The following GRM8 variants were observed in gnomAD, a reference collection of about 807,000 sequenced individuals.
GRM8 encodes metabotropic glutamate receptor 8.
Under a neutral mutation model 87.2 loss-of-function variants are expected in GRM8, and 47 were observed. The observed-to-expected ratio is 0.54, with a 90% confidence interval of 0.43 to 0.69. The LOEUF (loss-of-function observed/expected upper bound fraction) is 0.69, where lower values mean the gene tolerates loss of function less well. GRM8 is among the 30% of genes least tolerant of loss of function. GRM8 has a pLI of 0.00. For synonymous variants in GRM8, 396 were observed against 404.5 expected (o/e 0.98, Z 0.25); for missense variants, 1,019 against 1,139.2 (o/e 0.89, Z 1.52).
intron 3 of GRM8, among the ~76,000 whole-genome samples, chr7:127,051,385 A>G (rs1819454096): frequency 6.6e-6 from 1 of 152,020 alleles, no homozygotes; most frequent in Non-Finnish European, 1.5e-5. Flanking sequence ...CTAAAATAAA[A>G]GTTTAAACAA....
intron 6 of GRM8, among the ~76,000 whole-genome samples, chr7:126,865,744 G>A (rs1457283980): frequency 6.6e-6 from 1 of 152,130 alleles, no homozygotes; most frequent in Admixed American, 6.5e-5. Context: ...TTTATCAATG[G>A]TGTAACATCT....
At chr7:126,529,880 C>T (rs1814525986) in intron 9 of GRM8, among the ~76,000 whole-genome samples, 1 of 152,116 alleles carries the variant, frequency 6.6e-6, no homozygotes, top group South Asian at 2.1e-4. Context: ...CAGTGGTCTA[C>T]CCTTCCTTCA....
intron 2 of GRM8, among the ~76,000 whole-genome samples, chr7:127,151,641 T>A (rs1406291106): frequency 6.6e-6 from 1 of 152,098 alleles, no homozygotes; most frequent in Non-Finnish European, 1.5e-5. Flanking sequence ...CCCCTGAGTT[T>A]ACGGCTTTCT....
chr7:126,775,568 C>T (rs1819378309), intron 6 of GRM8, among the ~76,000 whole-genome samples: 2 of 129,198 alleles, frequency 1.5e-5, no homozygotes, highest in South Asian at 5.2e-4. Context: ...GGTAGAAATA[C>T]AAGCATGTTC....
intron 6 of GRM8, among the ~76,000 whole-genome samples, chr7:126,863,243 C>T (rs961346061): frequency 1.3e-5 from 2 of 151,956 alleles, no homozygotes; most frequent in Non-Finnish European, 2.9e-5. Flanking sequence ...TTTAAATTTC[C>T]AGCTATATGG....
intron 6 of GRM8, among the ~76,000 whole-genome samples, chr7:126,852,430 G>A (rs1314696295): frequency 6.6e-6 from 1 of 152,150 alleles, no homozygotes; most frequent in East Asian, 1.9e-4. Context: ...TCAGTTAGTA[G>A]CTGGAAGGGC....
At chr7:126,458,644 T>C (rs1381196028) in intron 9 of GRM8, among the ~76,000 whole-genome samples, 1 of 151,238 alleles carries the variant, frequency 6.6e-6, no homozygotes, top group African/African-American at 2.4e-5. Flanking sequence ...ACTGCATTAT[T>C]TTAAAACATA....
intron 8 of GRM8, among the ~76,000 whole-genome samples, chr7:126,592,723 C>A (rs907504515): frequency 6.6e-6 from 1 of 151,870 alleles, no homozygotes; most frequent in Non-Finnish European, 1.5e-5. Context: ...AAGTTGGACG[C>A]TTTTTCTCTA....
intron 9 of GRM8, among the ~76,000 whole-genome samples, chr7:126,488,266 A>G (rs1807602081): frequency 6.6e-6 from 1 of 152,074 alleles, no homozygotes; most frequent in African/African-American, 2.4e-5. Flanking sequence ...ATATTAACAC[A>G]CTAGCAATTC....
intron 3 of GRM8, among the ~76,000 whole-genome samples, chr7:127,059,034 AC>A (rs1820312255): frequency 6.6e-6 from 1 of 152,112 alleles, no homozygotes; most frequent in Non-Finnish European, 1.5e-5. Flanking sequence ...AATAAGGGAG[AC>A]AAGTGAGCAA....
At chr7:126,523,066 T>C (rs928312237) in intron 9 of GRM8, among the ~76,000 whole-genome samples, 2 of 152,230 alleles carry the variant, frequency 1.3e-5, no homozygotes, top group Non-Finnish European at 2.9e-5. Flanking sequence ...AGCAATTGTA[T>C]TAAACCTAAA....
At chr7:126,648,265 G>A (rs994138842) in intron 7 of GRM8, among the ~76,000 whole-genome samples, 1 of 152,056 alleles carries the variant, frequency 6.6e-6, no homozygotes, top group African/African-American at 2.4e-5. Context: ...ATAGTTCACA[G>A]AAATCACTGA....
chr7:126,769,850 C>T lies in GRM8; in HGVS notation c.1357+15G>A. On this transcript the variant is annotated intron_variant, in intron 7 of 10. Transcript: ENST00000339582. ...CGCTTTTAATGTATTTAGACACACA[C>T]ACGTTGTAACTTACCATTAAAATTT... 6.5e-7 allele frequency: 1 copy of T among 1,531,670 alleles called. No individual in the cohort carries two copies. The highest frequency in any genetic ancestry group is 9.0e-7 in the Non-Finnish European group (1 of 1,105,476). The allele number at this position is 1,531,670 out of a possible 1,614,324, so 94.9% of individuals were successfully genotyped here.
At chr7:126,922,674 C>A (rs1804654203) in intron 3 of GRM8, among the ~76,000 whole-genome samples, 1 of 152,006 alleles carries the variant, frequency 6.6e-6, no homozygotes, top group South Asian at 2.1e-4. Flanking sequence ...TGTGTCCTCA[C>A]CCAAATCTCA....
At chr7:126,663,769 A>G (rs1217750573) in intron 7 of GRM8, among the ~76,000 whole-genome samples, 1 of 152,200 alleles carries the variant, frequency 6.6e-6, no homozygotes, top group African/African-American at 2.4e-5. Flanking sequence ...CCTATTCAAC[A>G]TAGTACTGGA....
intron 3 of GRM8, among the ~76,000 whole-genome samples, chr7:127,094,743 T>G (rs1824474998): frequency 6.6e-6 from 1 of 152,142 alleles, no homozygotes; most frequent in Non-Finnish European, 1.5e-5. Context: ...ACTAATACAG[T>G]TGGCAATAGG....
rs572827425 is a variant in GRM8, at chr7:126,488,853, T to C, written c.2431-42481A>G. ...ATAATATCTTGAATTTTATAAATCT[T>C]AATTTTTTAGTGTAGGTCACAAATA... On this transcript the variant is annotated intron_variant, in intron 9 of 10. Coordinates refer to ENST00000339582, the MANE Select transcript of GRM8 (RefSeq NM_000845.3). 7.2e-5 allele frequency among the ~76,000 whole-genome samples: 11 copies of C among 152,136 alleles called. No homozygotes were observed. The South Asian group carries it at 2.3e-3, about 31-fold the overall frequency.
At chr7:126,496,538 T>C (rs1808765894) in intron 9 of GRM8, among the ~76,000 whole-genome samples, 1 of 151,894 alleles carries the variant, frequency 6.6e-6, no homozygotes, top group Non-Finnish European at 1.5e-5. Context: ...CATCTGTCAC[T>C]TGCACTTAGA....
rs938972478 is a variant in GRM8 at position 126,536,271 on chromosome 7, G to A, written c.1495-2384C>T. ...CTTTGACAATCAGGTGACTGAAATCGTTCTCATGAACAATTACTTAAGAAT... is the reference window on the plus strand; with the variant it reads ...CTTTGACAATCAGGTGACTGAAATCATTCTCATGAACAATTACTTAAGAAT... On this transcript the variant is annotated intron_variant, in intron 8 of 10. Transcript: ENST00000339582. 2.6e-5 allele frequency among the ~76,000 whole-genome samples: 4 copies of A among 152,150 alleles called. No individual in the cohort carries two copies. In the South Asian group the frequency reaches 6.2e-4, roughly 24 times the overall value.
Sources: gnomAD v4.1 joint callset for allele counts (sites outside exome capture counted in the v4.1 genomes callset) on GRCh38, gnomAD v4.1.1 for gene constraint, MANE v1.5 for transcripts, NCBI Gene and HGNC (gene_info 2026-07-23, HGNC 2026-07-21) for gene names.